The following RANBP17 variants were observed in gnomAD, a reference collection of about 807,000 sequenced individuals.
The protein encoded by RANBP17 is RAN binding protein 17.
A neutral mutation model predicts 141.2 loss-of-function variants in RANBP17; 158 were observed. The ratio of observed to expected loss-of-function variants is 1.12; its 90% CI spans 0.98 to 1.28. RANBP17 has a LOEUF of 1.28. Ranked by LOEUF, RANBP17 falls within the 50% of genes most tolerant of loss-of-function variation. RANBP17 has a pLI of 0.00. For missense variants in RANBP17, 1,438 were observed against 1,290.7 expected (o/e 1.11, Z -1.75); for synonymous variants, 430 against 450.0 (o/e 0.96, Z 0.56).
chr5:171,014,961 T>G (rs1780331194), intron 14 of RANBP17, among the ~76,000 whole-genome samples: 1 of 152,100 alleles, frequency 6.6e-6, no homozygotes, highest in Non-Finnish European at 1.5e-5. Context: ...TTTTCCCCTT[T>G]CAATACATTA....
Position 171,204,899 on chromosome 5 carries a change from T to A in RANBP17, c.2143-625T>A, listed in dbSNP as rs183536751. 2.6e-3 allele frequency among the ~76,000 whole-genome samples: 400 copies of A among 152,342 alleles called. 1 individual carries two copies. The highest frequency in any genetic ancestry group is 4.9e-3 in the Non-Finnish European group (336 of 68,028). On this transcript the variant is annotated intron_variant, in intron 19 of 27. Coordinates refer to ENST00000523189, the MANE Select transcript of RANBP17 (RefSeq NM_022897.5). ...TTATAGATGACAAAAGTAAGCCTGA[T>A]AAATTGCCTTGCCTTAAGTTTTAAA...
chr5:170,894,262 A>G (rs1461464638), intron 4 of RANBP17, among the ~76,000 whole-genome samples: 1 of 152,102 alleles, frequency 6.6e-6, no homozygotes, highest in Admixed American at 6.6e-5. Flanking sequence ...TGAGTAGACA[A>G]GAGGCGACCA....
At chr5:171,273,997 C>G (rs1347935338) in intron 25 of RANBP17, among the ~76,000 whole-genome samples, 1 of 152,120 alleles carries the variant, frequency 6.6e-6, no homozygotes, top group Non-Finnish European at 1.5e-5. Flanking sequence ...TCTTTGCACA[C>G]AAGGAATACA....
intron 25 of RANBP17, among the ~76,000 whole-genome samples, chr5:171,286,718 T>C (rs1244891078): frequency 6.6e-6 from 1 of 152,192 alleles, no homozygotes; most frequent in Non-Finnish European, 1.5e-5. Context: ...CAATATCCGC[T>C]GTACACATGG....
intron 13 of RANBP17, among the ~76,000 whole-genome samples, chr5:170,957,987 G>C (rs1775858907): frequency 6.6e-6 from 1 of 152,192 alleles, no homozygotes; most frequent in African/African-American, 2.4e-5. Flanking sequence ...AGTGTTCACA[G>C]TGACTACAGA....
intron 1 of RANBP17, among the ~76,000 whole-genome samples, chr5:170,868,979 G>C (rs1411083488): frequency 2.0e-5 from 3 of 152,146 alleles, no homozygotes; most frequent in Non-Finnish European, 4.4e-5. Context: ...AAGGTTTTTA[G>C]TATACCAGGT....
In RANBP17 at chr5:171,004,947, C is replaced by G. The variant is rs1281433475; in HGVS notation, c.1710+36570C>G. On this transcript the variant is annotated intron_variant, in intron 14 of 27. Coordinates refer to ENST00000523189, the MANE Select transcript of RANBP17 (RefSeq NM_022897.5). ...GCTAGAGATGTGGTTGTGGGTTTTC[C>G]TACAGCGGAGGCAAGTAGCTGTAAC... 2.0e-5 allele frequency among the ~76,000 whole-genome samples: 3 copies of G among 152,222 alleles called. No individual in the cohort carries two copies. The East Asian group carries it at 5.8e-4, about 29-fold the overall frequency.
In RANBP17 at chr5:171,165,929, G is replaced by A. The variant is rs146819317; in HGVS notation, c.1711-4201G>A. 4.7e-3 allele frequency among the ~76,000 whole-genome samples: 722 copies of A among 152,272 alleles called. 2 individuals are homozygous for A. The highest frequency in any genetic ancestry group is 7.9e-3 in the Non-Finnish European group (538 of 68,006). ...TTTTACCAGTGTTCATCCCAGATGG[G>A]TAGGATTTGGGGTATATTATTTCAC... On this transcript the variant is annotated intron_variant, in intron 14 of 27. Transcript: ENST00000523189.
intron 14 of RANBP17, among the ~76,000 whole-genome samples, chr5:171,123,108 T>C (rs1299308366): frequency 6.6e-6 from 1 of 152,190 alleles, no homozygotes; most frequent in Non-Finnish European, 1.5e-5. Context: ...GTTGCTGCCA[T>C]ATACAGTAAC....
At chr5:171,144,585 A>C (rs1389929170) in intron 14 of RANBP17, among the ~76,000 whole-genome samples, 1 of 152,082 alleles carries the variant, frequency 6.6e-6, no homozygotes, top group African/African-American at 2.4e-5. Flanking sequence ...TGGTGCCCCC[A>C]TTGCCTTCCC....
chr5:171,008,239 G>T (rs191360395), intron 14 of RANBP17, among the ~76,000 whole-genome samples: 2 of 152,200 alleles, frequency 1.3e-5, no homozygotes, highest in Non-Finnish European at 2.9e-5. Flanking sequence ...GAAGGGTAGC[G>T]AGAGAGGCTG....
intron 14 of RANBP17, among the ~76,000 whole-genome samples, chr5:170,972,508 T>A (rs969729843): frequency 3.3e-5 from 5 of 152,090 alleles, no homozygotes; most frequent in African/African-American, 1.2e-4. Context: ...TTTATTACCA[T>A]TTTTGAGATT....
At chr5:171,186,612 C>T (rs1761272615) in intron 18 of RANBP17, among the ~76,000 whole-genome samples, 1 of 123,602 alleles carries the variant, frequency 8.1e-6, no homozygotes, top group Non-Finnish European at 1.6e-5. Flanking sequence ...TCTCGGCTCA[C>T]TGCAAGCTCC....
At position 171,176,656 on chromosome 5, in the gene RANBP17, A is replaced by G. The variant is rs1015106882; in HGVS notation, c.1865+5370A>G. Among the ~76,000 whole-genome samples the G allele has an allele frequency of 2.6e-5, 4 of 151,930 alleles. No individual in the cohort carries two copies. The South Asian group carries it at 8.3e-4, about 32-fold the overall frequency. On this transcript the variant is annotated intron_variant, in intron 16 of 27. Transcript: ENST00000523189. Reference sequence around the variant, plus strand: ...TTTAACTCAGATAAATTACATACGAATTTTCTGAAAATCTACACATTAAAA... The same window carrying G: ...TTTAACTCAGATAAATTACATACGAGTTTTCTGAAAATCTACACATTAAAA...
intron 14 of RANBP17, among the ~76,000 whole-genome samples, chr5:170,997,449 C>T (rs1483555826): frequency 6.6e-6 from 1 of 152,130 alleles, no homozygotes; most frequent in Non-Finnish European, 1.5e-5. Flanking sequence ...GATAGATGAT[C>T]CCTCAACTAC....
intron 14 of RANBP17, among the ~76,000 whole-genome samples, chr5:171,089,269 T>C (rs1046429472): frequency 0.014 from 1,403 of 97,568 alleles, 56 homozygotes; most frequent in African/African-American, 0.041. Context: ...GTTAGGCTGC[T>C]CGGGGGTCAC....
intron 14 of RANBP17, among the ~76,000 whole-genome samples, chr5:171,058,384 T>A (rs1183250832): frequency 2.7e-5 from 4 of 145,790 alleles, no homozygotes; most frequent in African/African-American, 1.0e-4. Flanking sequence ...ATTGTTCAAT[T>A]CCCGCCCATG....
intron 5 of RANBP17, among the ~76,000 whole-genome samples, chr5:170,897,768 C>G (rs1770262983): frequency 6.6e-6 from 1 of 152,120 alleles, no homozygotes; most frequent in Non-Finnish European, 1.5e-5. Flanking sequence ...CATCGTATTC[C>G]ATGGTGTATA....
At chr5:171,088,252 G>A (rs1467717303) in intron 14 of RANBP17, among the ~76,000 whole-genome samples, 4 of 151,918 alleles carry the variant, frequency 2.6e-5, no homozygotes, top group Admixed American at 1.3e-4. Context: ...ATGAAATTCT[G>A]GGTTGAAAAT....
Sources: gnomAD v4.1 joint callset for allele counts (sites outside exome capture counted in the v4.1 genomes callset) on GRCh38, gnomAD v4.1.1 for gene constraint, MANE v1.5 for transcripts, NCBI Gene and HGNC (gene_info 2026-07-23, HGNC 2026-07-21) for gene names.